The following VPS4A variants were observed in gnomAD, a reference collection of about 807,000 sequenced individuals.
The protein encoded by VPS4A is vacuolar protein sorting-associated protein 4A.
In VPS4A, 20 loss-of-function variants were observed where a neutral mutation model predicts 52.3. The observed-to-expected ratio is 0.38, with a 90% CI of 0.27 to 0.56. The LOEUF is 0.56. Ranked by LOEUF, VPS4A falls within the 20% of genes least tolerant of loss-of-function variation. VPS4A has a pLI of 0.72. For missense variants in VPS4A, 419 were observed against 575.9 expected (o/e 0.73, Z 2.79); for synonymous variants, 293 against 227.7 (o/e 1.29, Z -2.58).
At chr16:69,313,509 G>A (rs545694151) in intron 1 of VPS4A, among the ~76,000 whole-genome samples, 2 of 152,108 alleles carry the variant, frequency 1.3e-5, no homozygotes, top group Admixed American at 1.3e-4. Flanking sequence ...TCATACAATA[G>A]GTGGTCCTTT....
In VPS4A at chr16:69,321,189, G is replaced by C; in HGVS notation, c.990G>C (p.Ser330=). The change falls in exon 9 of 11, where the codon TCG becomes TCC. Residue 330 remains serine (S), a synonymous_variant. Coordinates refer to ENST00000254950, the MANE Select transcript of VPS4A (RefSeq NM_013245.3). The surrounding 1 kb of genome is among the most constrained non-coding windows in gnomAD (Gnocchi z 4.5). The part of the protein sequence containing the change: ...HELARKTEGY[S]GADISIIVRD... ...TGGCCCGGAAGACGGAAGGCTACTC[G>C]GGCGCGGACATCAGCATCATCGTGC... 6.4e-7 allele frequency: 1 copy of C among 1,572,596 alleles called. No individual in the cohort carries two copies. The highest frequency in any genetic ancestry group is 8.6e-7 in the Non-Finnish European group (1 of 1,159,664).
At position 69,320,488 on chromosome 16, in the gene VPS4A, C is replaced by T; in HGVS notation, c.769+199C>T. ...GCCTCACGGGCCACTCCACCCCTCCCATGGCAGGCAGTGCCATAGGTCTCA... is the reference window on the plus strand; with the variant it reads ...GCCTCACGGGCCACTCCACCCCTCCTATGGCAGGCAGTGCCATAGGTCTCA... On this transcript the variant is annotated intron_variant, in intron 7 of 10. Coordinates refer to ENST00000254950, the MANE Select transcript of VPS4A (RefSeq NM_013245.3). The surrounding 1 kb of genome is among the most constrained non-coding windows in gnomAD (Gnocchi z 4.2). 1.2e-6 allele frequency: 1 copy of T among 831,398 alleles called. No homozygotes were observed. Among genetic ancestry groups the T allele is most frequent in the Non-Finnish European group, 1.9e-6 (1 of 539,884 alleles). 51.5% of individuals were successfully genotyped at this position (831,398 alleles called of 1,614,324 possible). A position where few individuals can be genotyped will look rare whatever the true frequency, so the allele number is the denominator to read the frequency against.
At chr16:69,322,520 CTG>C in intron 9 of VPS4A, 38 bp from the exon 10 acceptor site, 1 of 1,584,884 alleles carries the variant, frequency 6.3e-7, no homozygotes, top group Non-Finnish European at 8.6e-7. Context: ...CCCTCTGACA[CTG>C]AGGGGCAGCT....
Position 69,324,322 on chromosome 16 carries a change from T to C in VPS4A, c.*13T>C, listed in dbSNP as rs1965555565. 2 of 1,612,148 alleles carry C rather than the reference T, an allele frequency of 1.2e-6. No homozygotes were observed. The highest frequency in any genetic ancestry group is 1.7e-6 in the Non-Finnish European group (2 of 1,179,130). ...GCAAGAGAGTTAAAAGCTGCTTCACTTGGGCAATGGTGAAGGTGGGAGGTT... is the reference window on the plus strand; with the variant it reads ...GCAAGAGAGTTAAAAGCTGCTTCACCTGGGCAATGGTGAAGGTGGGAGGTT... On this transcript the variant is annotated 3_prime_UTR_variant, in exon 11 of 11. Transcript: ENST00000254950.
intron 3 of VPS4A, among the ~76,000 whole-genome samples, chr16:69,317,774 C>CT (rs1262602272): frequency 6.6e-6 from 1 of 151,552 alleles, no homozygotes; most frequent in Non-Finnish European, 1.5e-5. Context: ...GCCTGGGCGA[C>CT]TGAGTGCGAC....
Position 69,324,389 on chromosome 16 carries a change from C to CA in VPS4A, c.*81dup. The CA allele has an allele frequency of 1.5e-6, 2 of 1,369,834 alleles. No homozygotes were observed. Among genetic ancestry groups the CA allele is most frequent in the Non-Finnish European group, 2.0e-6 (2 of 978,666 alleles). The allele number at this position is 1,369,834 out of a possible 1,614,324, so 84.9% of individuals were successfully genotyped here. ...GGCACTCCCCATGTCAACAGCCAGA[C>CA]AGGGCTCCAGGGCTTGTCCCAGTCA... On this transcript the variant is annotated 3_prime_UTR_variant, in exon 11 of 11. Transcript: ENST00000254950.
chr16:69,323,432 G>A, intron 10 of VPS4A: 1 of 316,090 alleles, frequency 3.2e-6, no homozygotes, highest in Non-Finnish European at 6.3e-6. Flanking sequence ...TTACAAGCAT[G>A]AGCTGAGCCA....
intron 3 of VPS4A, among the ~76,000 whole-genome samples, chr16:69,317,010 G>GT (rs144557741): frequency 2.0e-5 from 3 of 152,168 alleles, no homozygotes; most frequent in Non-Finnish European, 1.5e-5. Flanking sequence ...AATGCTGGTG[G>GT]TATCTCGGAG....
intron 1 of VPS4A, among the ~76,000 whole-genome samples, chr16:69,312,942 G>A (rs189495276): frequency 6.6e-6 from 1 of 151,424 alleles, no homozygotes; most frequent in Non-Finnish European, 1.5e-5. Flanking sequence ...TATAACTTGC[G>A]TGCTTACCAT....
chr16:69,317,175 G>A (rs1441084653), intron 3 of VPS4A, among the ~76,000 whole-genome samples: 1 of 152,158 alleles, frequency 6.6e-6, no homozygotes, highest in Non-Finnish European at 1.5e-5. Flanking sequence ...TGGAGGCCAG[G>A]GATCTCCAAT....
At chr16:69,313,054 T>C (rs1268620362) in intron 1 of VPS4A, among the ~76,000 whole-genome samples, 1 of 149,884 alleles carries the variant, frequency 6.7e-6, no homozygotes, top group African/African-American at 2.5e-5. Context: ...TCTCAACTCA[T>C]TGCGGCCTCC....
At chr16:69,312,617 T>G (rs961074684) in intron 1 of VPS4A, among the ~76,000 whole-genome samples, 1 of 152,136 alleles carries the variant, frequency 6.6e-6, no homozygotes, top group Non-Finnish European at 1.5e-5. Flanking sequence ...TAAATTTTAT[T>G]TATTTATTTT....
In VPS4A at chr16:69,322,571, C is replaced by G; in HGVS notation, c.1083C>G (p.Pro361=). ...SATHFKKVCG[P]SRTNPSMMID... is the part of the protein sequence containing the mutation. Reference sequence around the variant, plus strand: ...CCATTTGGTTTCAGGTCTGTGGCCCCTCTCGCACCAACCCCAGCATGATGA... The same window carrying G: ...CCATTTGGTTTCAGGTCTGTGGCCCGTCTCGCACCAACCCCAGCATGATGA... The change falls in exon 10 of 11, where the codon CCC becomes CCG. Residue 361 remains proline, a synonymous_variant. Coordinates refer to ENST00000254950, the MANE Select transcript of VPS4A (RefSeq NM_013245.3). The G allele has an allele frequency of 6.2e-7, 1 of 1,613,398 alleles. No individual in the cohort carries two copies. The highest frequency in any genetic ancestry group is 8.5e-7 in the Non-Finnish European group (1 of 1,179,614).
chr16:69,318,893 C>T lies in VPS4A; in HGVS notation c.414C>T (p.Ala138=), dbSNP rs764516577. 6.2e-7 allele frequency: 1 copy of T among 1,613,698 alleles called. No individual in the cohort carries two copies. The highest frequency in any genetic ancestry group is 1.1e-5 in the South Asian group (1 of 91,074). ...DVAGLEGAKE[A]LKEAVILPIK... ...CCGGGCTGGAGGGGGCCAAGGAGGC[C>T]CTCAAAGAAGCTGTCATTTTGCCAA... The change falls in exon 5 of 11, where the codon GCC becomes GCT. Residue 138 remains alanine (A), a synonymous_variant. Transcript: ENST00000254950.
At chr16:69,318,538 G>A in intron 3 of VPS4A, 112 bp from the exon 4 acceptor site, 1 of 1,196,340 alleles carries the variant, frequency 8.4e-7, no homozygotes, top group Non-Finnish European at 1.2e-6. Flanking sequence ...TGTTAAGCCA[G>A]GAAGGCTTCG....
At chr16:69,319,071 C>T (rs1160560702) in intron 5 of VPS4A, 129 bp downstream of exon 5, 36 of 1,345,776 alleles carry the variant, frequency 2.7e-5, no homozygotes, top group South Asian at 1.7e-4. Flanking sequence ...CCTGGCTGCT[C>T]GCTGGTGTCC....
rs757045581 is a variant in VPS4A, at chr16:69,319,421, C to T, written c.498C>T (p.Phe166=). The T allele has an allele frequency of 8.1e-6, 13 of 1,613,878 alleles. No homozygotes were observed. Among genetic ancestry groups the T allele is most frequent in the Middle Eastern group, 1.6e-4 (1 of 6,084 alleles). The change falls in exon 6 of 11, where the codon TTC becomes TTT. Residue 166 remains phenylalanine (F), a synonymous_variant. Transcript: ENST00000254950. ...KRTPWRGILL[F]GPPGTGKSYL... ...CCCCCTGGCGGGGGATTCTGCTGTT[C>T]GGACCCCCTGGCACAGGGAAATCCT...
At chr16:69,312,183 A>T (rs931121614) in intron 1 of VPS4A, among the ~76,000 whole-genome samples, 54 of 131,858 alleles carry the variant, frequency 4.1e-4, no homozygotes, top group African/African-American at 1.7e-3. Context: ...ACCTTGGGCT[A>T]GTTTTTTTTT....
chr16:69,324,187 C>CACAT (rs1435604548), intron 10 of VPS4A, 21 bp from the exon 11 acceptor site: 1 of 1,609,108 alleles, frequency 6.2e-7, no homozygotes, highest in Non-Finnish European at 8.5e-7. Flanking sequence ...CCTGCTCAGG[C>CACAT]ACATACTGTT....
Sources: allele counts gnomAD v4.1 joint callset (sites outside exome capture counted in the v4.1 genomes callset), GRCh38; gene constraint gnomAD v4.1.1; non-coding constraint Gnocchi (gnomAD v3.1); transcripts MANE v1.5; gene names NCBI Gene and HGNC (gene_info 2026-07-23, HGNC 2026-07-21).